The following HS3ST3B1 variants were observed in gnomAD, a reference collection of about 807,000 sequenced individuals.
The protein encoded by HS3ST3B1 is heparan sulfate glucosamine 3-O-sulfotransferase 3B1.
In HS3ST3B1, 13 loss-of-function variants were observed where a neutral mutation model predicts 21.3. That is an observed-to-expected ratio of 0.61 (90% CI 0.40 to 0.97). HS3ST3B1 has a LOEUF of 0.97. HS3ST3B1 is among the 50% of genes least tolerant of loss of function. The pLI, the probability that HS3ST3B1 is intolerant of heterozygous loss-of-function variation, is 0.00. For missense variants in HS3ST3B1, 459 were observed against 554.8 expected (o/e 0.83, Z 1.73); for synonymous variants, 234 against 254.8 (o/e 0.92, Z 0.78).
At chr17:14,325,339 T>C (rs534373456) in intron 1 of HS3ST3B1, among the ~76,000 whole-genome samples, 16 of 152,360 alleles carry the variant, frequency 1.1e-4, no homozygotes, top group African/African-American at 3.8e-4. Flanking sequence ...TTATTAATGA[T>C]GGAACCAGGC....
At chr17:14,337,020 A>G (rs1002151266) in intron 1 of HS3ST3B1, among the ~76,000 whole-genome samples, 1 of 152,178 alleles carries the variant, frequency 6.6e-6, no homozygotes, top group East Asian at 1.9e-4. Flanking sequence ...ATATGCTCTA[A>G]AAGAGCACTG....
intron 1 of HS3ST3B1, among the ~76,000 whole-genome samples, chr17:14,321,867 G>A (rs770917639): frequency 1.4e-4 from 21 of 151,994 alleles, no homozygotes; most frequent in African/African-American, 3.4e-4. Context: ...GCATTAGTGC[G>A]GAAGTGCAAA....
chr17:14,324,757 G>A (rs1458341549), intron 1 of HS3ST3B1, among the ~76,000 whole-genome samples: 1 of 152,112 alleles, frequency 6.6e-6, no homozygotes, highest in Admixed American at 6.5e-5. Flanking sequence ...GGGACTACAG[G>A]CACACCATCA....
intron 1 of HS3ST3B1, among the ~76,000 whole-genome samples, chr17:14,332,187 T>A (rs72820606): frequency 0.016 from 2,469 of 152,266 alleles, 29 homozygotes; most frequent in Non-Finnish European, 0.026. Context: ...TATAAGGTCA[T>A]GTAGAAAGAG....
chr17:14,342,754 C>G (rs908529695), intron 1 of HS3ST3B1, among the ~76,000 whole-genome samples: 12 of 152,228 alleles, frequency 7.9e-5, no homozygotes, highest in Non-Finnish European at 1.2e-4. Flanking sequence ...AGTGGTAGAG[C>G]CAGAATTTAA....
chr17:14,344,903 TTTTACA>T, intron 1 of HS3ST3B1, 119 bp from the exon 2 acceptor site: 1 of 1,385,438 alleles, frequency 7.2e-7, no homozygotes, highest in Non-Finnish European at 9.7e-7. Context: ...TCTACTTGCA[TTTTACA>T]TGTTTCTACC....
chr17:14,330,550 G>GGTGTGTGTGTGTGTGTGTGTGT (rs60767866), intron 1 of HS3ST3B1, among the ~76,000 whole-genome samples: 13 of 144,080 alleles, frequency 9.0e-5, no homozygotes, highest in African/African-American at 2.6e-4. Context: ...CTGGTTTCCC[G>GGTGTGTGTGTGTGTGTGTGTGT]GTGTGTGTGT....
At chr17:14,340,937 T>C (rs1052239412) in intron 1 of HS3ST3B1, among the ~76,000 whole-genome samples, 3 of 152,154 alleles carry the variant, frequency 2.0e-5, no homozygotes, top group Non-Finnish European at 2.9e-5. Flanking sequence ...ATCACAGCAG[T>C]AGTTCCCCTG....
intron 1 of HS3ST3B1, among the ~76,000 whole-genome samples, chr17:14,341,098 C>T (rs112051553): frequency 7.9e-5 from 12 of 152,312 alleles, no homozygotes; most frequent in Admixed American, 2.6e-4. Flanking sequence ...AATCTGCCCA[C>T]GGCTCAGGGA....
intron 1 of HS3ST3B1, among the ~76,000 whole-genome samples, chr17:14,323,544 T>C (rs1358815099): frequency 6.6e-6 from 1 of 152,114 alleles, no homozygotes; most frequent in African/African-American, 2.4e-5. Flanking sequence ...TCCCCACTTT[T>C]GGTTTGCTTC....
At position 14,347,063 on chromosome 17, in the gene HS3ST3B1, C is replaced by G. The variant is rs1910602409; in HGVS notation, c.*1417C>G. 1 of 152,186 alleles carries G rather than the reference C, an allele frequency of 6.6e-6. No homozygotes were observed. Among genetic ancestry groups the G allele is most frequent in the African/African-American group, 2.4e-5 (1 of 41,448 alleles). 9.4% of individuals were successfully genotyped at this position (152,186 alleles called of 1,614,324 possible). ...TGCGTCTTTGGAATTCCTAGCTCAT[C>G]TCAGAATTATATCTTAGAGTGATAA... On this transcript the variant is annotated 3_prime_UTR_variant, in exon 2 of 2. Coordinates refer to ENST00000360954, the MANE Select transcript of HS3ST3B1 (RefSeq NM_006041.3).
At position 14,345,789 on chromosome 17, in the gene HS3ST3B1, TTTAGAGAG is replaced by T; in HGVS notation, c.*148_*155del. On this transcript the variant is annotated 3_prime_UTR_variant, in exon 2 of 2. Coordinates refer to ENST00000360954, the MANE Select transcript of HS3ST3B1 (RefSeq NM_006041.3). ...TTCACTAAGCTGCCTAGCCACACTC[TTTAGAGAG>T]TTAGCTTCATAATCTGTTAACATTC... 9.5e-7 allele frequency: 1 copy of T among 1,050,902 alleles called. No homozygotes were observed. The highest frequency in any genetic ancestry group is 1.6e-5 in the African/African-American group (1 of 62,140). The allele number at this position is 1,050,902 out of a possible 1,614,324, so 65.1% of individuals were successfully genotyped here. A position where few individuals can be genotyped will look rare whatever the true frequency, so the allele number is the denominator to read the frequency against.
At position 14,338,531 on chromosome 17, in the gene HS3ST3B1, G is replaced by A. The variant is rs548586101; in HGVS notation, c.555-6497G>A. ...CATCTCGGCTCACTGCAACCTCTGCGTCCCAGGTTCAAGTGATTCTCCTGC... is the reference window on the plus strand; with the variant it reads ...CATCTCGGCTCACTGCAACCTCTGCATCCCAGGTTCAAGTGATTCTCCTGC... On this transcript the variant is annotated intron_variant, in intron 1 of 1. Coordinates refer to ENST00000360954, the MANE Select transcript of HS3ST3B1 (RefSeq NM_006041.3). 5.7e-4 allele frequency among the ~76,000 whole-genome samples: 85 copies of A among 148,236 alleles called. 4 individuals are homozygous for A. Among genetic ancestry groups the A allele is most frequent in the African/African-American group, 1.7e-3 (66 of 39,810 alleles).
rs1234695864 is a variant in HS3ST3B1 at position 14,322,890 on chromosome 17, GTC to G, written c.554+20820_554+20821del. Among the ~76,000 whole-genome samples, 4 of 125,650 alleles carry G rather than the reference GTC, an allele frequency of 3.2e-5. 1 individual carries two copies. The South Asian group carries it at 1.1e-3, about 36-fold the overall frequency. 82.4% of individuals were successfully genotyped at this position (125,650 alleles called of 152,430 possible). The stretch of plus-strand genomic sequence containing the variant: ...CCTGAAGTTGAGAAGCGAGATTTGT[GTC>G]TATGTCTTTTTTTTTTTTTTTTTTT... On this transcript the variant is annotated intron_variant, in intron 1 of 1. Transcript: ENST00000360954.
At chr17:14,319,075 C>T (rs945018909) in intron 1 of HS3ST3B1, among the ~76,000 whole-genome samples, 9 of 152,106 alleles carry the variant, frequency 5.9e-5, no homozygotes, top group Non-Finnish European at 1.0e-4. Context: ...ATGGATGGAT[C>T]GTAAGTCCCA....
intron 1 of HS3ST3B1, among the ~76,000 whole-genome samples, chr17:14,340,643 C>T (rs901615466): frequency 3.0e-4 from 46 of 152,076 alleles, no homozygotes; most frequent in African/African-American, 1.0e-3. Context: ...AGTGCAGTGG[C>T]GCGATCTCAG....
At chr17:14,331,503 C>T (rs1349919358) in intron 1 of HS3ST3B1, among the ~76,000 whole-genome samples, 2 of 151,990 alleles carry the variant, frequency 1.3e-5, no homozygotes, top group Non-Finnish European at 2.9e-5. Context: ...AGGCCAAATC[C>T]TTGTGGTGGG....
At chr17:14,337,476 C>T (rs761171374) in intron 1 of HS3ST3B1, among the ~76,000 whole-genome samples, 10 of 151,074 alleles carry the variant, frequency 6.6e-5, no homozygotes, top group South Asian at 2.1e-4. Flanking sequence ...TACAGGAGCC[C>T]GCCATCATGC....
chr17:14,318,375 C>T lies in HS3ST3B1; in HGVS notation c.554+16303C>T, dbSNP rs528436833. Among the ~76,000 whole-genome samples the T allele has an allele frequency of 9.9e-5, 15 of 152,276 alleles. No homozygotes were observed. In the South Asian group the frequency reaches 3.1e-3, roughly 32 times the overall value. ...AGGGAATTGCCACGTGTCCACGGCT[C>T]TCTGGCTCAACCAGGCAGGGTTGGG... On this transcript the variant is annotated intron_variant, in intron 1 of 1. Transcript: ENST00000360954.
Sources: gnomAD v4.1 joint callset for allele counts (sites outside exome capture counted in the v4.1 genomes callset) on GRCh38, gnomAD v4.1.1 for gene constraint, MANE v1.5 for transcripts, NCBI Gene and HGNC (gene_info 2026-07-23, HGNC 2026-07-21) for gene names.